Variants in TENM3 observed in about 807,000 individuals in gnomAD.
The protein encoded by TENM3 is teneurin transmembrane protein 3, also known as teneurin-3.
In TENM3, 63 loss-of-function variants were observed where a neutral mutation model predicts 255.1. That is an observed-to-expected ratio of 0.25 (90% CI 0.20 to 0.30). The LOEUF (loss-of-function observed/expected upper bound fraction) is 0.30. Among genes scored for constraint, TENM3 ranks in the 10% least tolerant of loss-of-function variants. The probability of loss-of-function intolerance (pLI) is 1.00; values close to 1 mark genes in which losing one functional copy is unlikely to be tolerated. For synonymous variants in TENM3, 1,306 were observed against 1,322.3 expected, an observed-to-expected ratio of 0.99 and a Z score of 0.27; for missense variants, 2,929 against 3,461.1, an observed-to-expected ratio of 0.85 and a Z score of 3.86.
chr4:182,360,020 G>A (rs566479289), intron 3 of TENM3, among the ~76,000 whole-genome samples: 58 of 152,316 alleles, frequency 3.8e-4, no homozygotes, highest in Admixed American at 3.3e-3. Flanking sequence ...TTTCCATGGA[G>A]TTGAGCGGTT....
the TENM3 span, among the ~76,000 whole-genome samples, chr4:182,021,410 G>A: frequency 1.1e-4 from 16 of 152,032 alleles, no homozygotes; most frequent in South Asian, 8.3e-4. Context: ...GGGCCTTTGC[G>A]TATCCTTCCC....
rs144871929 is a variant in TENM3 at position 182,746,405 on chromosome 4, G to A, written c.3629+2986G>A. 1.8e-3 allele frequency among the ~76,000 whole-genome samples: 273 copies of A among 152,280 alleles called. 2 individuals are homozygous for A. Among genetic ancestry groups the A allele is most frequent in the African/African-American group, 6.2e-3 (257 of 41,564 alleles). ...TGAAGAAATAGAGAAAGCAAGTAAAGTTACTGGAGACTGGGGGAGAGCTGA... is the reference window on the plus strand; with the variant it reads ...TGAAGAAATAGAGAAAGCAAGTAAAATTACTGGAGACTGGGGGAGAGCTGA... On this transcript the variant is annotated intron_variant, in intron 19 of 27. Transcript: ENST00000511685.
chr4:182,704,028 GT>G (rs1378935601), intron 12 of TENM3, among the ~76,000 whole-genome samples: 5 of 151,380 alleles, frequency 3.3e-5, no homozygotes, highest in South Asian at 2.1e-4. Context: ...TTGTATTATA[GT>G]TTTTTTTAAT....
the TENM3 span, among the ~76,000 whole-genome samples, chr4:182,092,561 G>A: frequency 3.3e-5 from 5 of 152,260 alleles, no homozygotes; most frequent in South Asian, 2.1e-4. Context: ...GGTGGACCTC[G>A]AGGTTGAACC....
the TENM3 span, among the ~76,000 whole-genome samples, chr4:181,891,954 A>G: frequency 6.6e-6 from 1 of 152,084 alleles, no homozygotes; most frequent in African/African-American, 2.4e-5. Flanking sequence ...TTCGAAAAGG[A>G]CTTGACAGAG....
chr4:182,627,746 G>A (rs1008999137), intron 4 of TENM3, among the ~76,000 whole-genome samples: 1 of 152,018 alleles, frequency 6.6e-6, no homozygotes, highest in Non-Finnish European at 1.5e-5. Flanking sequence ...GGAGACTTCT[G>A]TTGTTAATAG....
chr4:181,460,906 T>A, the TENM3 span, among the ~76,000 whole-genome samples: 1 of 151,962 alleles, frequency 6.6e-6, no homozygotes, highest in Non-Finnish European at 1.5e-5. Context: ...GTCAGTTATC[T>A]TATAAAGAGA....
At chr4:182,312,432 T>C (rs1762507581) in intron 1 of TENM3, among the ~76,000 whole-genome samples, 1 of 152,244 alleles carries the variant, frequency 6.6e-6, no homozygotes, top group Admixed American at 6.5e-5. Context: ...GTGCCTGGCA[T>C]GTCCACTGAG....
At chr4:181,745,227 C>G in the TENM3 span, among the ~76,000 whole-genome samples, 1 of 152,096 alleles carries the variant, frequency 6.6e-6, no homozygotes, top group East Asian at 1.9e-4. Context: ...GTCATTATGT[C>G]AGGGAATGGG....
At chr4:182,057,776 A>C in the TENM3 span, among the ~76,000 whole-genome samples, 1 of 152,038 alleles carries the variant, frequency 6.6e-6, no homozygotes, top group Non-Finnish European at 1.5e-5. Flanking sequence ...TCGTGAGGTA[A>C]TCGCACAGTT....
At chr4:182,756,372 C>A (rs1004117640) in intron 22 of TENM3, among the ~76,000 whole-genome samples, 2 of 152,090 alleles carry the variant, frequency 1.3e-5, no homozygotes, top group Non-Finnish European at 2.9e-5. Context: ...ACAGTCACAT[C>A]TTGGGAGTCA....
chr4:181,659,029 A>G, the TENM3 span, among the ~76,000 whole-genome samples: 1 of 152,154 alleles, frequency 6.6e-6, no homozygotes, highest in Admixed American at 6.5e-5. Flanking sequence ...TAGGCTCTGG[A>G]TGTTTGCCAT....
At chr4:181,867,685 A>G in the TENM3 span, among the ~76,000 whole-genome samples, 1 of 152,208 alleles carries the variant, frequency 6.6e-6, no homozygotes, top group Non-Finnish European at 1.5e-5. Flanking sequence ...AATAGGTAAC[A>G]TGTACTGTTA....
chr4:182,081,583 C>CAAA, the TENM3 span, among the ~76,000 whole-genome samples: 339 of 86,794 alleles, frequency 3.9e-3, 1 homozygote, highest in Non-Finnish European at 4.7e-3. Context: ...GGCTCTGCCT[C>CAAA]AAAAAAAAAA....
Position 182,787,735 on chromosome 4 carries a change from CAAAAAAAA to C in TENM3, c.5305-1338_5305-1331del, listed in dbSNP as rs33998093. On this transcript the variant is annotated intron_variant, in intron 24 of 27. Coordinates refer to ENST00000511685, the MANE Select transcript of TENM3 (RefSeq NM_001080477.4). The stretch of plus-strand genomic sequence containing the variant: ...GGGCGACAAGGGCAAAACTCCACCT[CAAAAAAAA>C]AAAAAAAAAAAAAAAAAAAGATGTG... Among the ~76,000 whole-genome samples, 140 of 41,574 alleles carry C rather than the reference CAAAAAAAA, an allele frequency of 3.4e-3. 5 individuals are homozygous for C. Among genetic ancestry groups the C allele is most frequent in the Non-Finnish European group, 2.7e-3 (49 of 18,152 alleles). 27.3% of individuals were successfully genotyped at this position (41,574 alleles called of 152,430 possible).
chr4:182,345,406 G>A (rs1165091136), intron 2 of TENM3, among the ~76,000 whole-genome samples: 1 of 152,152 alleles, frequency 6.6e-6, no homozygotes, highest in Non-Finnish European at 1.5e-5. Context: ...GCATTAAAAT[G>A]TTCACAGATT....
chr4:182,026,739 T>G, the TENM3 span, among the ~76,000 whole-genome samples: 1 of 152,190 alleles, frequency 6.6e-6, no homozygotes, highest in Non-Finnish European at 1.5e-5. Flanking sequence ...AATGTATGTT[T>G]TTGGCACCTT....
chr4:181,746,124 T>G, the TENM3 span, among the ~76,000 whole-genome samples: 4 of 152,008 alleles, frequency 2.6e-5, no homozygotes, highest in African/African-American at 9.7e-5. Context: ...AGCTGCAGGC[T>G]GACTGAGTTC....
At chr4:182,524,210 T>A (rs2151800329) in intron 3 of TENM3, among the ~76,000 whole-genome samples, 1 of 152,302 alleles carries the variant, frequency 6.6e-6, no homozygotes, top group South Asian at 2.1e-4. Flanking sequence ...AAAGTCAAAT[T>A]GTACAATTAA....
Sources: allele counts gnomAD v4.1 joint callset (sites outside exome capture counted in the v4.1 genomes callset), GRCh38; gene constraint gnomAD v4.1.1; transcripts MANE v1.5; gene names NCBI Gene and HGNC (gene_info 2026-07-23, HGNC 2026-07-21).